Variants in SOBP observed in about 807,000 individuals in gnomAD.
The protein encoded by SOBP is sine oculis binding protein homolog.
SOBP carries 4 observed loss-of-function variants against 53.6 expected under a neutral mutation model. That is an observed-to-expected ratio of 0.07 (90% confidence interval 0.04 to 0.17). SOBP has a LOEUF of 0.17. Among genes scored for constraint, SOBP ranks in the 10% least tolerant of loss-of-function variants. The pLI, the probability that SOBP is intolerant of heterozygous loss-of-function variation, is 1.00. For missense variants in SOBP, 1,088 were observed against 1,204.7 expected (o/e 0.90, Z 1.43); for synonymous variants, 584 against 522.6 (o/e 1.12, Z -1.60).
intron 1 of SOBP, among the ~76,000 whole-genome samples, chr6:107,501,063 T>C (rs185054610): frequency 6.6e-6 from 1 of 152,296 alleles, no homozygotes; most frequent in East Asian, 1.9e-4. Flanking sequence ...ATTTTTATTT[T>C]CCATGACAAA....
At chr6:107,523,635 G>T (rs553405457) in intron 3 of SOBP, among the ~76,000 whole-genome samples, 2 of 151,596 alleles carry the variant, frequency 1.3e-5, no homozygotes, top group South Asian at 4.1e-4. Context: ...GTGGCCCCAC[G>T]TGGCCTGCTG....
At chr6:107,609,423 A>G (rs966386173) in intron 5 of SOBP, among the ~76,000 whole-genome samples, 3 of 152,198 alleles carry the variant, frequency 2.0e-5, no homozygotes, top group Admixed American at 2.0e-4. Flanking sequence ...GAAAAGCCCC[A>G]GGTTGTATAC....
chr6:107,577,300 A>G (rs919061499), intron 4 of SOBP, among the ~76,000 whole-genome samples: 2 of 152,224 alleles, frequency 1.3e-5, no homozygotes, highest in Admixed American at 6.5e-5. Flanking sequence ...TCAGAGCTAC[A>G]TTATTGTACT....
intron 3 of SOBP, among the ~76,000 whole-genome samples, chr6:107,520,003 A>G (rs1357854893): frequency 6.6e-6 from 1 of 152,216 alleles, no homozygotes; most frequent in Non-Finnish European, 1.5e-5. Flanking sequence ...GAATTTTATG[A>G]ACATTTGTCT....
chr6:107,650,651 G>A (rs1411488925), intron 6 of SOBP, among the ~76,000 whole-genome samples: 1 of 152,120 alleles, frequency 6.6e-6, no homozygotes, highest in Non-Finnish European at 1.5e-5. Flanking sequence ...TAAACGTTGG[G>A]TATGTTCTGA....
At position 107,635,498 on chromosome 6, in the gene SOBP, C is replaced by T; in HGVS notation, c.*3+29C>T. On this transcript the variant is annotated intron_variant, in intron 6 of 6. Transcript: ENST00000317357. This position sits in a 1 kb window ranked among gnomAD's most constrained non-coding sequence, Gnocchi z 4.5. ...TGTATGTCCGCCGGGCGCTCCTCCA[C>T]ACCAGCCAGTGCACCTCTCCTTACT... 2 of 1,610,642 alleles carry T rather than the reference C, an allele frequency of 1.2e-6. No individual in the cohort carries two copies. Among genetic ancestry groups the T allele is most frequent in the Non-Finnish European group, 1.7e-6 (2 of 1,179,928 alleles).
intron 6 of SOBP, among the ~76,000 whole-genome samples, chr6:107,651,695 T>C (rs914189378): frequency 6.6e-6 from 1 of 152,200 alleles, no homozygotes; most frequent in Non-Finnish European, 1.5e-5. Context: ...ACTAGGACTT[T>C]CATAGATAGA....
rs1772155711 is a variant in SOBP, at chr6:107,658,342, T to C, written c.*139T>C. ...AGCAAATAAAGCCGCTTCCTGTCATTAAGCATCTCAGAGGAAGCAGCCCTC... is the reference window on the plus strand; with the variant it reads ...AGCAAATAAAGCCGCTTCCTGTCATCAAGCATCTCAGAGGAAGCAGCCCTC... On this transcript the variant is annotated 3_prime_UTR_variant, in exon 7 of 7. Transcript: ENST00000317357. The C allele has an allele frequency of 6.5e-6, 1 of 152,714 alleles. No individual in the cohort carries two copies. The highest frequency in any genetic ancestry group is 2.4e-5 in the African/African-American group (1 of 41,448). The allele number at this position is 152,714 out of a possible 1,614,324, so 9.5% of individuals were successfully genotyped here. A position where few individuals can be genotyped will look rare whatever the true frequency, so the allele number is the denominator to read the frequency against.
At chr6:107,521,042 T>C (rs1783471055) in intron 3 of SOBP, among the ~76,000 whole-genome samples, 1 of 148,482 alleles carries the variant, frequency 6.7e-6, no homozygotes, top group Non-Finnish European at 1.5e-5. Context: ...CTCTACCCAC[T>C]AGATGCCATT....
intron 5 of SOBP, among the ~76,000 whole-genome samples, chr6:107,616,036 G>GA (rs1324318094): frequency 2.9e-4 from 31 of 107,798 alleles, no homozygotes; most frequent in Admixed American, 5.5e-4. Flanking sequence ...GCAAAAAAAA[G>GA]AAAAAAAAAA....
Position 107,634,118 on chromosome 6 carries a change from C to A in SOBP, c.1274C>A (p.Pro425His). Residue 425 changes from proline to histidine, a missense_variant, in exon 6 of 7, where the codon CCC (proline) becomes CAC (histidine). By Grantham distance (77) the Pro-to-His change is moderately conservative. Coordinates refer to ENST00000317357, the MANE Select transcript of SOBP (RefSeq NM_018013.4). The surrounding 1 kb of genome is among the most constrained non-coding windows in gnomAD (Gnocchi z 4.5). ...CACCATGCCTCCAACCCCAACAGCC[C>A]CCTGTCCAACCCCATGCTTCCCGGC... ...PPHHASNPNS[P>H]LSNPMLPGIG... 6.2e-7 allele frequency: 1 copy of A among 1,606,940 alleles called. No individual in the cohort carries two copies. Among genetic ancestry groups the A allele is most frequent in the Non-Finnish European group, 8.5e-7 (1 of 1,176,716 alleles).
At chr6:107,531,764 C>T (rs182628977) in intron 3 of SOBP, among the ~76,000 whole-genome samples, 1 of 152,234 alleles carries the variant, frequency 6.6e-6, no homozygotes, top group East Asian at 1.9e-4. Context: ...GTTGGACTGA[C>T]ATCAAAGGTC....
At chr6:107,542,555 A>G (rs1001362996) in intron 4 of SOBP, among the ~76,000 whole-genome samples, 1 of 152,122 alleles carries the variant, frequency 6.6e-6, no homozygotes, top group Non-Finnish European at 1.5e-5. Flanking sequence ...GACGGAAGTA[A>G]CACATTCAGG....
chr6:107,492,665 C>T (rs182498094), intron 1 of SOBP, among the ~76,000 whole-genome samples: 108 of 152,146 alleles, frequency 7.1e-4, no homozygotes, highest in Admixed American at 1.4e-3. Flanking sequence ...AATTTTTAGC[C>T]GATGCTGCAG....
intron 6 of SOBP, among the ~76,000 whole-genome samples, chr6:107,657,607 T>G (rs957352368): frequency 6.6e-6 from 1 of 152,196 alleles, no homozygotes; most frequent in African/African-American, 2.4e-5. Context: ...GACATGGGGT[T>G]ACAGGAGTGA....
rs1770846672 is a variant in SOBP, at chr6:107,634,061, A to G, written c.1217A>G (p.Gln406Arg). 10 of 1,603,232 alleles carry G rather than the reference A, an allele frequency of 6.2e-6. No homozygotes were observed. The highest frequency in any genetic ancestry group is 8.5e-6 in the Non-Finnish European group (10 of 1,174,022). The stretch of plus-strand genomic sequence containing the variant: ...TTCATGGAGCAGCAGATCATGCAGC[A>G]GATCCGCCCGCCCTTCATCCGCGGG... ...PIFMEQQIMQ[Q>R]IRPPFIRGPP... Residue 406 changes from glutamine to arginine, a missense_variant, in exon 6 of 7, where the codon CAG (glutamine) becomes CGG (arginine). By Grantham distance (43) the Gln-to-Arg change is conservative. Around this residue, in one of 6 missense-constraint regions of SOBP, gnomAD observed 211 missense variants for 258.9 expected, o/e 0.82. Coordinates refer to ENST00000317357, the MANE Select transcript of SOBP (RefSeq NM_018013.4). The surrounding 1 kb of genome is among the most constrained non-coding windows in gnomAD (Gnocchi z 4.5).
Position 107,531,628 on chromosome 6 carries a change from A to T in SOBP, c.422-1831A>T, listed in dbSNP as rs967862035. ...CTTGCTTTTATTTATTTATTTTTAA[A>T]TTTTTTTTGTTAAGGATATTCCTGA... is the stretch of plus-strand genomic sequence containing the variant. On this transcript the variant is annotated intron_variant, in intron 3 of 6. Coordinates refer to ENST00000317357, the MANE Select transcript of SOBP (RefSeq NM_018013.4). Among the ~76,000 whole-genome samples, 6 of 151,944 alleles carry T rather than the reference A, an allele frequency of 3.9e-5. No homozygotes were observed. The South Asian group carries it at 6.2e-4, about 16-fold the overall frequency.
In SOBP at chr6:107,634,519, G is replaced by C; in HGVS notation, c.1675G>C (p.Gly559Arg). 1 of 1,611,192 alleles carries C rather than the reference G, an allele frequency of 6.2e-7. No individual in the cohort carries two copies. Among genetic ancestry groups the C allele is most frequent in the Non-Finnish European group, 8.5e-7 (1 of 1,179,890 alleles). ...GCCCCCCAACGGGTTCTCCAGCAACGGGGAGAACTTCATTCCGAACGCCCC... is the reference window on the plus strand; with the variant it reads ...GCCCCCCAACGGGTTCTCCAGCAACCGGGAGAACTTCATTCCGAACGCCCC... Reference protein sequence around the residue: ...SKPPNGFSSNGENFIPNAPGD... With the variant: ...SKPPNGFSSNRENFIPNAPGD... Residue 559 changes from glycine (G) to arginine (R), a missense_variant, in exon 6 of 7, where the codon GGG becomes CGG. By Grantham distance (125) the Gly-to-Arg change is moderately radical. Transcript: ENST00000317357. This position sits in a 1 kb window ranked among gnomAD's most constrained non-coding sequence, Gnocchi z 4.5.
intron 4 of SOBP, among the ~76,000 whole-genome samples, chr6:107,553,561 AC>A (rs1285096281): frequency 6.7e-6 from 1 of 150,236 alleles, no homozygotes; most frequent in Non-Finnish European, 1.5e-5. Context: ...GTCTCGGCTT[AC>A]TGCAACCTCC....
Sources: allele counts gnomAD v4.1 joint callset (sites outside exome capture counted in the v4.1 genomes callset), GRCh38; gene constraint gnomAD v4.1.1; regional missense constraint gnomAD v4.1.1; non-coding constraint Gnocchi (gnomAD v3.1); transcripts MANE v1.5; gene names NCBI Gene and HGNC (gene_info 2026-07-23, HGNC 2026-07-21).